Variants in NAV3 observed in about 807,000 individuals in gnomAD.
NAV3 encodes pore membrane and/or filament interacting like protein 1.
Under a neutral mutation model 244.7 loss-of-function variants are expected in NAV3, and 87 were observed. The ratio of observed to expected loss-of-function variants is 0.36; its 90% CI spans 0.30 to 0.42. NAV3 has a LOEUF of 0.42. Among genes scored for constraint, NAV3 ranks in the 20% least tolerant of loss-of-function variants. The pLI, the probability that NAV3 is intolerant of heterozygous loss-of-function variation, is 1.00. For synonymous variants in NAV3, 1,126 were observed against 1,042.2 expected (o/e 1.08, Z -1.55); for missense variants, 2,663 against 2,893.3 (o/e 0.92, Z 1.83).
intron 2 of NAV3, among the ~76,000 whole-genome samples, chr12:77,577,672 A>G (rs1869155677): frequency 6.6e-6 from 1 of 152,180 alleles, no homozygotes; most frequent in Non-Finnish European, 1.5e-5. Flanking sequence ...GCAGAATTAT[A>G]TGAAAATCTC....
intron 22 of NAV3, among the ~76,000 whole-genome samples, chr12:78,152,493 T>G (rs1011870309): frequency 2.0e-5 from 3 of 151,914 alleles, no homozygotes; most frequent in South Asian, 2.1e-4. Context: ...CACCTATTAA[T>G]TACAAGTCAT....
intron 3 of NAV3, among the ~76,000 whole-genome samples, chr12:77,965,057 C>T (rs915481450): frequency 6.6e-6 from 1 of 152,006 alleles, no homozygotes; most frequent in Non-Finnish European, 1.5e-5. Flanking sequence ...GCATAGCTTT[C>T]GATGAGAATT....
intron 2 of NAV3, among the ~76,000 whole-genome samples, chr12:77,597,465 G>A (rs557645851): frequency 9.2e-5 from 14 of 152,084 alleles, no homozygotes; most frequent in African/African-American, 2.6e-4. Context: ...TTTCAGTGAC[G>A]CTAAGAAAAA....
At chr12:78,168,239 TA>T (rs1381546644) in intron 23 of NAV3, among the ~76,000 whole-genome samples, 3 of 151,810 alleles carry the variant, frequency 2.0e-5, no homozygotes, top group East Asian at 3.9e-4. Context: ...TAATAGGAAT[TA>T]GGGGTAAGTT....
chr12:78,152,919 A>G (rs549572904), intron 22 of NAV3, among the ~76,000 whole-genome samples: 4 of 152,068 alleles, frequency 2.6e-5, no homozygotes, highest in African/African-American at 9.6e-5. Flanking sequence ...TTAGAACTCT[A>G]ATAGCTATAA....
chr12:77,998,854 G>A (rs1055361172), intron 7 of NAV3, among the ~76,000 whole-genome samples: 3 of 152,108 alleles, frequency 2.0e-5, no homozygotes, highest in Non-Finnish European at 4.4e-5. Context: ...AGAGCCATAA[G>A]TGTTTTTGAC....
At chr12:77,949,348 G>A (rs952781154) in intron 3 of NAV3, among the ~76,000 whole-genome samples, 2 of 151,950 alleles carry the variant, frequency 1.3e-5, no homozygotes, top group African/African-American at 2.4e-5. Flanking sequence ...GGCGATCTGT[G>A]TCCTTTATTT....
chr12:77,903,224 C>G (rs553790093), intron 1 of NAV3, among the ~76,000 whole-genome samples: 1 of 152,118 alleles, frequency 6.6e-6, no homozygotes, highest in East Asian at 1.9e-4. Context: ...GGAGGCATCA[C>G]GCTACCTGAC....
chr12:77,578,035 G>A (rs1392594080), intron 2 of NAV3, among the ~76,000 whole-genome samples: 1 of 152,150 alleles, frequency 6.6e-6, no homozygotes, highest in East Asian at 1.9e-4. Context: ...AATATGCAAT[G>A]CCTGGGATAA....
chr12:77,937,100 A>G (rs952902772), intron 1 of NAV3, among the ~76,000 whole-genome samples: 8 of 152,286 alleles, frequency 5.3e-5, no homozygotes, highest in African/African-American at 1.7e-4. Context: ...AGTATGGAAG[A>G]CACAGCTGTT....
chr12:77,642,296 C>A (rs1015467611), intron 2 of NAV3, among the ~76,000 whole-genome samples: 7 of 151,908 alleles, frequency 4.6e-5, no homozygotes, highest in Non-Finnish European at 1.0e-4. Flanking sequence ...TTATTTTTTT[C>A]ATTAACAGCT....
chr12:78,197,540 T>A, intron 35 of NAV3, 139 bp downstream of exon 35: 1 of 571,274 alleles, frequency 1.8e-6, no homozygotes. Context: ...ACTGTACATA[T>A]TGATTGTGTA....
intron 1 of NAV3, among the ~76,000 whole-genome samples, chr12:77,847,094 T>C (rs1187160249): frequency 1.3e-5 from 2 of 152,144 alleles, no homozygotes; most frequent in Non-Finnish European, 2.9e-5. Context: ...GACTTTCTTT[T>C]CACTTCAACA....
chr12:78,019,656 G>C (rs1876820680), intron 8 of NAV3, among the ~76,000 whole-genome samples: 1 of 152,100 alleles, frequency 6.6e-6, no homozygotes, highest in Non-Finnish European at 1.5e-5. Context: ...ATAATCAAGT[G>C]TAAAGACCCT....
intron 2 of NAV3, among the ~76,000 whole-genome samples, chr12:77,662,996 C>T (rs928132519): frequency 2.0e-5 from 3 of 152,030 alleles, no homozygotes; most frequent in Non-Finnish European, 4.4e-5. Context: ...ATGCTTATGC[C>T]TTATTATGTT....
chr12:78,117,122 T>A (rs1438590188), intron 13 of NAV3, among the ~76,000 whole-genome samples: 1 of 130,002 alleles, frequency 7.7e-6, no homozygotes, highest in Non-Finnish European at 1.6e-5. Context: ...GGAGCAACAA[T>A]GTGCACTGCA....
chr12:77,878,637 T>C (rs1882183893), intron 1 of NAV3, among the ~76,000 whole-genome samples: 1 of 151,688 alleles, frequency 6.6e-6, no homozygotes, highest in Non-Finnish European at 1.5e-5. Flanking sequence ...AACTGTATTA[T>C]CTTCTCAATC....
At chr12:78,039,170 A>AT (rs1880426391) in intron 9 of NAV3, among the ~76,000 whole-genome samples, 2 of 152,118 alleles carry the variant, frequency 1.3e-5, no homozygotes, top group African/African-American at 4.8e-5. Context: ...AAGCATTCTG[A>AT]TGCAATTCCC....
chr12:77,710,179 A>C (rs1291087771), intron 2 of NAV3, among the ~76,000 whole-genome samples: 1 of 152,218 alleles, frequency 6.6e-6, no homozygotes, highest in Non-Finnish European at 1.5e-5. Context: ...TCCAAACATA[A>C]CAAACTTCAA....
Sources: gnomAD v4.1 joint callset for allele counts (sites outside exome capture counted in the v4.1 genomes callset) on GRCh38, gnomAD v4.1.1 for gene constraint, MANE v1.5 for transcripts, NCBI Gene and HGNC (gene_info 2026-07-23, HGNC 2026-07-21) for gene names.